NUP98: variants seen among roughly 807,000 people sequenced by gnomAD.
NUP98 encodes nucleoporin 98 and 96 precursor, also known as nuclear pore complex protein Nup98-Nup96.
A neutral mutation model predicts 191.9 loss-of-function variants in NUP98; 26 were observed. The ratio of observed to expected loss-of-function variants is 0.14; its 90% confidence interval spans 0.10 to 0.19. The LOEUF (loss-of-function observed/expected upper bound fraction) is 0.19, where lower values mean the gene tolerates loss of function less well. Among genes scored for constraint, NUP98 ranks in the 10% least tolerant of loss-of-function variants. The pLI is 1.00. For synonymous variants in NUP98, 808 were observed against 778.4 expected (o/e 1.04, Z -0.63); for missense variants, 1,941 against 2,178.8 (o/e 0.89, Z 2.17).
At chr11:3,704,141 A>C (rs1589992653) in intron 22 of NUP98, among the ~76,000 whole-genome samples, 2 of 152,356 alleles carry the variant, frequency 1.3e-5, no homozygotes, top group East Asian at 3.9e-4. Context: ...TTTTTGGTTA[A>C]TATATTTTCT....
At chr11:3,767,767 G>A (rs982887323) in intron 8 of NUP98, among the ~76,000 whole-genome samples, 6 of 151,502 alleles carry the variant, frequency 4.0e-5, no homozygotes, top group Non-Finnish European at 8.8e-5. Context: ...TAATGACCAT[G>A]AGGACCTTTT....
chr11:3,780,559 A>C (rs763373855), intron 2 of NUP98, among the ~76,000 whole-genome samples: 4,564 of 140,230 alleles, frequency 0.033, 105 homozygotes, highest in Non-Finnish European at 0.048. Context: ...AAAAAAAAAA[A>C]AAAGAAAAAG....
Position 3,731,556 on chromosome 11 carries a change from G to A in NUP98, c.1565C>T (p.Ala522Val), listed in dbSNP as rs2134283076. The A allele has an allele frequency of 6.4e-7, 1 of 1,563,266 alleles. No individual in the cohort carries two copies. The highest frequency in any genetic ancestry group is 8.7e-7 in the Non-Finnish European group (1 of 1,155,080). The part of the protein sequence containing the change: ...KEERLKPTNP[A>V]AQKALTTPTH... Reference sequence around the variant, plus strand: ...AGGTGTAGTAAGAGCCTTCTGGGCTGCTGGATTTGTTGGTTTCAATCTCTG... The same window carrying A: ...AGGTGTAGTAAGAGCCTTCTGGGCTACTGGATTTGTTGGTTTCAATCTCTG... The change falls in exon 14 of 33, where the codon GCA becomes GTA. Residue 522 changes from alanine to valine, a missense_variant. By Grantham distance (64) the Ala-to-Val change is moderately conservative (BLOSUM62 0). Transcript: ENST00000324932.
At chr11:3,710,249 C>T (rs546782606) in intron 20 of NUP98, among the ~76,000 whole-genome samples, 1 of 152,280 alleles carries the variant, frequency 6.6e-6, no homozygotes, top group Non-Finnish European at 1.5e-5. Context: ...GTTCTAACCA[C>T]AGAACAAAAT....
intron 9 of NUP98, 141 bp from the exon 10 acceptor site, chr11:3,760,767 A>G (rs760561425): frequency 1.2e-5 from 7 of 607,134 alleles, no homozygotes; most frequent in East Asian, 5.6e-5. Context: ...TAGAAAAAAG[A>G]TGAATAAAGG....
At chr11:3,734,186 C>T (rs1350726494) in intron 13 of NUP98, among the ~76,000 whole-genome samples, 1 of 152,096 alleles carries the variant, frequency 6.6e-6, no homozygotes, top group Admixed American at 6.6e-5. Context: ...CAGGTGCCCA[C>T]CACCATGCCC....
chr11:3,752,855 G>A (rs2080815825), intron 11 of NUP98, among the ~76,000 whole-genome samples: 2 of 152,178 alleles, frequency 1.3e-5, no homozygotes, highest in African/African-American at 2.4e-5. Context: ...AGGAATCAGG[G>A]AAAAGGGGTG....
At chr11:3,776,336 G>A (rs1032381612) in intron 4 of NUP98, among the ~76,000 whole-genome samples, 1 of 151,620 alleles carries the variant, frequency 6.6e-6, no homozygotes, top group African/African-American at 2.4e-5. Context: ...TGTTGCTCGG[G>A]CTAGTCTCAA....
At chr11:3,759,467 C>T (rs1564894716) in intron 10 of NUP98, among the ~76,000 whole-genome samples, 1 of 151,906 alleles carries the variant, frequency 6.6e-6, no homozygotes, top group African/African-American at 2.4e-5. Context: ...CACAGTGGTG[C>T]GTGCCTGTAT....
At chr11:3,693,679 C>A (rs1391429685) in intron 26 of NUP98, among the ~76,000 whole-genome samples, 2 of 152,116 alleles carry the variant, frequency 1.3e-5, no homozygotes, top group East Asian at 1.9e-4. Context: ...AGGAATCAGA[C>A]ACTGTGCCTG....
Position 3,723,592 on chromosome 11 carries a change from T to TA in NUP98, c.1848-138dup, listed in dbSNP as rs1477014497. 9 of 655,978 alleles carry TA rather than the reference T, an allele frequency of 1.4e-5. No individual in the cohort carries two copies. The East Asian group carries it at 2.4e-4, about 18-fold the overall frequency. The allele number at this position is 655,978 out of a possible 1,614,324, so 40.6% of individuals were successfully genotyped here. On this transcript the variant is annotated intron_variant, in intron 15 of 32. Transcript: ENST00000324932. Reference sequence around the variant, plus strand: ...ATGTATTAAAAATTCACTTAATACTTACTACAGCAGTACTGTGAAACAGAT... The same window carrying TA: ...ATGTATTAAAAATTCACTTAATACTTAACTACAGCAGTACTGTGAAACAGAT...
Position 3,705,209 on chromosome 11 carries a change from G to C in NUP98, c.3073C>G (p.Arg1025Gly). 3 of 1,614,082 alleles carry C rather than the reference G, an allele frequency of 1.9e-6. No homozygotes were observed. The highest frequency in any genetic ancestry group is 2.5e-6 in the Non-Finnish European group (3 of 1,179,976). ...ATCTTTTATACTGTACCTAGTGAAC[G>C]AGTTTTCGACGAGTGGGATGCTGAA... ...PISASHSSKT[R>G]SLVGGLLQSK... Residue 1025 changes from arginine to glycine, a missense_variant, in exon 22 of 33, where the codon CGT becomes GGT. Arg to Gly is a moderately radical substitution (Grantham distance 125). Around this residue, in one of 6 missense-constraint regions of NUP98, gnomAD observed 1,030 missense variants for 1,115.8 expected, o/e 0.92. Coordinates refer to ENST00000324932, the MANE Select transcript of NUP98 (RefSeq NM_016320.5).
At chr11:3,768,552 T>C (rs1589924002) in intron 8 of NUP98, 29 bp downstream of exon 8, 1 of 1,498,920 alleles carries the variant, frequency 6.7e-7, no homozygotes, top group East Asian at 2.3e-5. Context: ...AAATAAGACA[T>C]GGAGGTAAGT....
At chr11:3,769,326 C>A (rs2081441299) in intron 7 of NUP98, among the ~76,000 whole-genome samples, 1 of 151,840 alleles carries the variant, frequency 6.6e-6, no homozygotes, top group Admixed American at 6.6e-5. Context: ...CTTGGGAGAC[C>A]GAGGTGGGTA....
chr11:3,690,343 T>C (rs746412233), intron 28 of NUP98, among the ~76,000 whole-genome samples: 1 of 151,580 alleles, frequency 6.6e-6, no homozygotes, highest in Non-Finnish European at 1.5e-5. Flanking sequence ...CACTGCAAGC[T>C]CTGCCTCCCG....
At chr11:3,721,528 T>C (rs7941153) in intron 16 of NUP98, among the ~76,000 whole-genome samples, 10,824 of 151,906 alleles carry the variant, frequency 0.071, 688 homozygotes, top group South Asian at 0.19. Context: ...CAAAAATCCA[T>C]TATCTACCAA....
chr11:3,686,335 GT>G, intron 28 of NUP98, 141 bp from the exon 29 acceptor site: 1 of 695,560 alleles, frequency 1.4e-6, no homozygotes, highest in Non-Finnish European at 2.4e-6. Flanking sequence ...CTGAGCCTAT[GT>G]TTTATCAATC....
At chr11:3,758,630 C>CA (rs1299802773) in intron 10 of NUP98, among the ~76,000 whole-genome samples, 2 of 151,958 alleles carry the variant, frequency 1.3e-5, no homozygotes, top group Non-Finnish European at 2.9e-5. Flanking sequence ...ACTTTAAATA[C>CA]AAAAATTAGC....
chr11:3,782,992 G>A (rs1259139296), intron 1 of NUP98, among the ~76,000 whole-genome samples: 2 of 152,126 alleles, frequency 1.3e-5, no homozygotes, highest in Admixed American at 6.6e-5. Flanking sequence ...CAGAGATTCT[G>A]GTGCCCTGAC....
Sources: allele counts gnomAD v4.1 joint callset (sites outside exome capture counted in the v4.1 genomes callset), GRCh38; gene constraint gnomAD v4.1.1; regional missense constraint gnomAD v4.1.1; transcripts MANE v1.5; gene names NCBI Gene and HGNC (gene_info 2026-07-23, HGNC 2026-07-21).